IMMP2L: variants seen among roughly 807,000 people sequenced by gnomAD.
The protein encoded by IMMP2L is inner mitochondrial membrane peptidase subunit 2.
IMMP2L carries 18 observed loss-of-function variants against 19.3 expected under a neutral mutation model. That is an observed-to-expected ratio of 0.93 (90% confidence interval 0.64 to 1.38). The LOEUF is 1.38. IMMP2L is among the 40% of genes most tolerant of loss of function. The pLI, the probability that IMMP2L is intolerant of heterozygous loss-of-function variation, is 0.00. For synonymous variants in IMMP2L, 76 were observed against 73.0 expected (o/e 1.04, Z -0.21); for missense variants, 233 against 218.2 (o/e 1.07, Z -0.43).
At chr7:111,535,338 GA>G (rs1847788382) in intron 1 of IMMP2L, among the ~76,000 whole-genome samples, 1 of 152,046 alleles carries the variant, frequency 6.6e-6, no homozygotes, top group African/African-American at 2.4e-5. Context: ...AGGAAAGAAA[GA>G]GGGGGAAAAA....
At chr7:110,929,800 C>A (rs1006153416) in intron 4 of IMMP2L, among the ~76,000 whole-genome samples, 1 of 152,120 alleles carries the variant, frequency 6.6e-6, no homozygotes, top group African/African-American at 2.4e-5. Context: ...AGGAATGAGT[C>A]ACTTACTAAT....
At chr7:110,979,028 G>C (rs1318512281) in intron 3 of IMMP2L, among the ~76,000 whole-genome samples, 1 of 152,040 alleles carries the variant, frequency 6.6e-6, no homozygotes, top group African/African-American at 2.4e-5. Flanking sequence ...TAAGGAGTTT[G>C]AGGTCAATCA....
intron 3 of IMMP2L, among the ~76,000 whole-genome samples, chr7:111,051,237 G>A (rs1420421343): frequency 1.3e-5 from 2 of 152,144 alleles, no homozygotes; most frequent in African/African-American, 4.8e-5. Flanking sequence ...GTGTATGACT[G>A]TTTATTTCTA....
intron 5 of IMMP2L, among the ~76,000 whole-genome samples, chr7:110,745,581 A>G (rs906547451): frequency 2.6e-5 from 4 of 152,228 alleles, no homozygotes; most frequent in Non-Finnish European, 4.4e-5. Context: ...GCCAGAAGAG[A>G]GTGGGGGCCA....
chr7:111,116,383 T>C (rs1169806664), intron 3 of IMMP2L, among the ~76,000 whole-genome samples: 1 of 152,164 alleles, frequency 6.6e-6, no homozygotes, highest in African/African-American at 2.4e-5. Flanking sequence ...TCTCAAAATA[T>C]CAGATTTGAG....
At chr7:111,107,403 T>C (rs967285743) in intron 3 of IMMP2L, among the ~76,000 whole-genome samples, 1 of 152,056 alleles carries the variant, frequency 6.6e-6, no homozygotes, top group Non-Finnish European at 1.5e-5. Context: ...CAGGGGAATA[T>C]GGGCAGTTTC....
intron 4 of IMMP2L, among the ~76,000 whole-genome samples, chr7:110,943,588 CTA>C (rs1030850100): frequency 2.0e-5 from 3 of 151,902 alleles, no homozygotes; most frequent in African/African-American, 7.2e-5. Flanking sequence ...TCCCCTGAGA[CTA>C]TTAATACCTT....
chr7:110,981,245 A>G (rs1585573049), intron 3 of IMMP2L, among the ~76,000 whole-genome samples: 2 of 152,228 alleles, frequency 1.3e-5, no homozygotes, highest in Middle Eastern at 6.8e-3. Context: ...CTTTAAATAT[A>G]AAAGACAATT....
chr7:111,261,404 T>A (rs1817297803), intron 3 of IMMP2L, among the ~76,000 whole-genome samples: 1 of 152,156 alleles, frequency 6.6e-6, no homozygotes, highest in South Asian at 2.1e-4. Context: ...TTCTTCTTTG[T>A]CTTGTATGAC....
intron 5 of IMMP2L, among the ~76,000 whole-genome samples, chr7:110,734,773 T>C (rs34896727): frequency 0.33 from 50,081 of 152,058 alleles, 10,103 homozygotes; most frequent in East Asian, 0.69. Context: ...ATCAAGTTGC[T>C]GGCACAAATA....
At chr7:111,423,270 G>A (rs1477451256) in intron 3 of IMMP2L, among the ~76,000 whole-genome samples, 1 of 151,850 alleles carries the variant, frequency 6.6e-6, no homozygotes, top group Non-Finnish European at 1.5e-5. Flanking sequence ...CTATTGAATG[G>A]AATAGTTTCA....
rs78379043 is a variant in IMMP2L, at chr7:111,167,245, G to C, written c.240-203680C>G. Among the ~76,000 whole-genome samples, 1,428 of 151,980 alleles carry C rather than the reference G, an allele frequency of 9.4e-3. 23 individuals carry two copies. The highest frequency in any genetic ancestry group is 0.032 in the African/African-American group (1,323 of 41,466). Reference sequence around the variant, plus strand: ...AGATCTTTCCTCTGATTATGTCCAGGAATATACAATTTCAGCTACTTTTGA... The same window carrying C: ...AGATCTTTCCTCTGATTATGTCCAGCAATATACAATTTCAGCTACTTTTGA... On this transcript the variant is annotated intron_variant, in intron 3 of 5. Transcript: ENST00000405709.
At chr7:111,336,712 A>G (rs1036578795) in intron 3 of IMMP2L, among the ~76,000 whole-genome samples, 4 of 151,986 alleles carry the variant, frequency 2.6e-5, no homozygotes, top group African/African-American at 4.8e-5. Context: ...TCTCTCTTCA[A>G]TTATCTTCAT....
At chr7:111,108,441 T>C (rs1458546984) in intron 3 of IMMP2L, among the ~76,000 whole-genome samples, 2 of 152,116 alleles carry the variant, frequency 1.3e-5, no homozygotes, top group African/African-American at 4.8e-5. Flanking sequence ...GTATATATTA[T>C]ACCCCCACTA....
chr7:111,216,353 TC>T (rs781506218), intron 3 of IMMP2L, among the ~76,000 whole-genome samples: 6 of 152,184 alleles, frequency 3.9e-5, no homozygotes, highest in Non-Finnish European at 7.4e-5. Context: ...CAAGATACAT[TC>T]CACATCTTAA....
At chr7:110,689,820 A>G (rs1793369758) in intron 5 of IMMP2L, among the ~76,000 whole-genome samples, 1 of 152,152 alleles carries the variant, frequency 6.6e-6, no homozygotes, top group Non-Finnish European at 1.5e-5. Flanking sequence ...GAAGTATTTC[A>G]ACATAGCAGA....
rs993370221 is a variant in IMMP2L at position 111,397,141 on chromosome 7, G to A, written c.239+90097C>T. Among the ~76,000 whole-genome samples the A allele has an allele frequency of 4.6e-5, 7 of 151,532 alleles. No individual in the cohort carries two copies. The East Asian group carries it at 1.4e-3, about 29-fold the overall frequency. ...TAAGAAAATAAAATCACTTATAATA[G>A]ACATATTTCCAATATTTACATTCTC... On this transcript the variant is annotated intron_variant, in intron 3 of 5. Coordinates refer to ENST00000405709, the MANE Select transcript of IMMP2L (RefSeq NM_032549.4).
chr7:110,773,674 C>A (rs527385735), intron 5 of IMMP2L, among the ~76,000 whole-genome samples: 33 of 152,066 alleles, frequency 2.2e-4, no homozygotes, highest in Non-Finnish European at 3.8e-4. Flanking sequence ...AGCCACTTAA[C>A]CTGTTGTTTA....
chr7:111,428,166 T>C (rs1339666748), intron 3 of IMMP2L, among the ~76,000 whole-genome samples: 2 of 151,796 alleles, frequency 1.3e-5, no homozygotes, highest in Non-Finnish European at 2.9e-5. Context: ...TTTTCTTTAT[T>C]GTTCCCTTAT....
Sources: gnomAD v4.1 joint callset for allele counts (sites outside exome capture counted in the v4.1 genomes callset) on GRCh38, gnomAD v4.1.1 for gene constraint, MANE v1.5 for transcripts, NCBI Gene and HGNC (gene_info 2026-07-23, HGNC 2026-07-21) for gene names.